The following TPD52 variants were observed in gnomAD, a reference collection of about 807,000 sequenced individuals.
The protein encoded by TPD52 is tumor protein D52, also known as prostate and colon associated protein.
TPD52 carries 17 observed loss-of-function variants against 31.3 expected under a neutral mutation model. The ratio of observed to expected loss-of-function variants is 0.54; its 90% CI spans 0.37 to 0.82. The LOEUF (loss-of-function observed/expected upper bound fraction) is 0.82. TPD52 is among the 40% of genes least tolerant of loss of function. The pLI, the probability that TPD52 is intolerant of heterozygous loss-of-function variation, is 0.00. For missense variants in TPD52, 212 were observed against 240.1 expected, an observed-to-expected ratio of 0.88 and a Z score of 0.77; for synonymous variants, 83 against 89.6, an observed-to-expected ratio of 0.93 and a Z score of 0.42.
chr8:80,042,496 A>C (rs1254519221), intron 7 of TPD52, 124 bp downstream of exon 7: 1 of 1,468,540 alleles, frequency 6.8e-7, no homozygotes, highest in African/African-American at 1.4e-5. Context: ...CATAAGGAGT[A>C]AAGTTATTTA....
chr8:80,140,130 T>C (rs1408029234), intron 1 of TPD52, among the ~76,000 whole-genome samples: 1 of 152,234 alleles, frequency 6.6e-6, no homozygotes, highest in Non-Finnish European at 1.5e-5. Context: ...CCTGCATAAA[T>C]GCTTTCTCTT....
chr8:80,096,333 T>G (rs933790122), intron 1 of TPD52, among the ~76,000 whole-genome samples: 2 of 151,404 alleles, frequency 1.3e-5, no homozygotes, highest in African/African-American at 4.9e-5. Flanking sequence ...TCTCCTAGTC[T>G]GCCTGGGGTA....
chr8:80,164,169 T>C (rs1196536359), intron 1 of TPD52, among the ~76,000 whole-genome samples: 1 of 151,828 alleles, frequency 6.6e-6, no homozygotes, highest in Admixed American at 6.6e-5. Context: ...CGTTTGGAAA[T>C]AGTCTGGCAA....
In TPD52 at chr8:80,167,669, C is replaced by A. The variant is rs370737238; in HGVS notation, c.19+3756G>T. On this transcript the variant is annotated intron_variant, in intron 1 of 7. Coordinates refer to ENST00000518937, the MANE Select transcript of TPD52 (RefSeq NM_001025253.3). ...TTGCTTTATTTTTAAATAAATGATA[C>A]CCCACATTTCTGTTATTTATTTCTA... 3.9e-5 allele frequency among the ~76,000 whole-genome samples: 6 copies of A among 152,136 alleles called. No homozygotes were observed. The East Asian group carries it at 5.8e-4, about 15-fold the overall frequency.
chr8:80,164,052 G>GGC (rs1554596593), intron 1 of TPD52, among the ~76,000 whole-genome samples: 1 of 100,668 alleles, frequency 9.9e-6, no homozygotes, highest in East Asian at 5.0e-4. Context: ...GAGAGAGAGA[G>GGC]AGACAGACAG....
intron 1 of TPD52, among the ~76,000 whole-genome samples, chr8:80,149,166 C>G (rs570781971): frequency 6.6e-6 from 1 of 152,142 alleles, no homozygotes; most frequent in Non-Finnish European, 1.5e-5. Flanking sequence ...CCATAATTCC[C>G]GTGTGTTGTG....
chr8:80,120,842 GGCTGAAGT>G (rs1300986555), intron 1 of TPD52, among the ~76,000 whole-genome samples: 2 of 152,132 alleles, frequency 1.3e-5, no homozygotes, highest in African/African-American at 4.8e-5. Flanking sequence ...CACTTTGGGA[GGCTGAAGT>G]GAGCAGATCA....
intron 1 of TPD52, among the ~76,000 whole-genome samples, chr8:80,075,133 C>T (rs141681654): frequency 5.2e-4 from 79 of 152,236 alleles, no homozygotes; most frequent in African/African-American, 1.8e-3. Flanking sequence ...GCGCCCACCA[C>T]CATACCTGGC....
intron 4 of TPD52, 90 bp from the exon 5 acceptor site, chr8:80,050,561 TTTCCCTGGGCTC>T: frequency 1.5e-6 from 2 of 1,330,164 alleles, no homozygotes; most frequent in Non-Finnish European, 2.1e-6. Context: ...CATATAATGT[TTTCCCTGGGCTC>T]TAAACTGCTA....
intron 2 of TPD52, among the ~76,000 whole-genome samples, chr8:80,060,734 GA>G (rs1052687242): frequency 8.7e-5 from 12 of 138,438 alleles, no homozygotes; most frequent in African/African-American, 2.5e-4. Flanking sequence ...TTCAATAGGT[GA>G]AAAAAAAAGC....
intron 1 of TPD52, among the ~76,000 whole-genome samples, chr8:80,138,415 A>G (rs1809591830): frequency 6.6e-6 from 1 of 152,184 alleles, no homozygotes; most frequent in Admixed American, 6.5e-5. Context: ...CATATCATTT[A>G]GTCGTCTCCT....
intron 2 of TPD52, among the ~76,000 whole-genome samples, chr8:80,062,493 A>C (rs1317187891): frequency 6.6e-6 from 1 of 152,226 alleles, no homozygotes; most frequent in Non-Finnish European, 1.5e-5. Flanking sequence ...GGATTCTTAG[A>C]TATCACACCA....
intron 1 of TPD52, among the ~76,000 whole-genome samples, chr8:80,131,519 C>G (rs188603783): frequency 6.6e-6 from 1 of 152,290 alleles, no homozygotes; most frequent in East Asian, 1.9e-4. Context: ...TACTCCTTGG[C>G]AAGACTCCAG....
intron 1 of TPD52, among the ~76,000 whole-genome samples, chr8:80,121,301 C>T (rs1455283927): frequency 1.3e-5 from 2 of 152,006 alleles, no homozygotes; most frequent in African/African-American, 2.4e-5. Flanking sequence ...TTTCACAGCC[C>T]CAGCAAAGGC....
chr8:80,032,948 C>T (rs1809728191), downstream of TPD52: 1 of 152,448 alleles, frequency 6.6e-6, no homozygotes, highest in African/African-American at 2.4e-5. Context: ...CCAGATCCCA[C>T]ACCTGCCAAG....
chr8:80,096,937 G>C (rs1816785411), intron 1 of TPD52, among the ~76,000 whole-genome samples: 1 of 152,196 alleles, frequency 6.6e-6, no homozygotes, highest in African/African-American at 2.4e-5. Context: ...ATTAAGCTTA[G>C]CGAGAAAGGC....
At chr8:80,047,186 G>T (rs1195465945) in intron 5 of TPD52, among the ~76,000 whole-genome samples, 2 of 152,150 alleles carry the variant, frequency 1.3e-5, no homozygotes, top group South Asian at 2.1e-4. Context: ...TCCAGGACTA[G>T]GTGTGCTCGG....
intron 2 of TPD52, among the ~76,000 whole-genome samples, chr8:80,061,276 A>G (rs1169003612): frequency 1.3e-5 from 2 of 151,976 alleles, no homozygotes; most frequent in African/African-American, 4.8e-5. Context: ...AGGCAGGACA[A>G]TCGCTTGAAC....
chr8:80,133,117 G>A (rs1360197229), intron 1 of TPD52, among the ~76,000 whole-genome samples: 4 of 152,104 alleles, frequency 2.6e-5, no homozygotes, highest in Admixed American at 6.5e-5. Context: ...TGGTCACTCC[G>A]GTCCTTTTTT....
Sources: allele counts gnomAD v4.1 joint callset (sites outside exome capture counted in the v4.1 genomes callset), GRCh38; gene constraint gnomAD v4.1.1; transcripts MANE v1.5; gene names NCBI Gene and HGNC (gene_info 2026-07-23, HGNC 2026-07-21).